The following CDC123 variants were observed in gnomAD, a reference collection of about 807,000 sequenced individuals.
The protein encoded by CDC123 is cell division cycle 123.
Under a neutral mutation model 54.4 loss-of-function variants are expected in CDC123, and 37 were observed. That is an observed-to-expected ratio of 0.68 (90% CI 0.52 to 0.89). The LOEUF is 0.89. CDC123 is among the 40% of genes least tolerant of loss of function. The pLI, the probability that CDC123 is intolerant of heterozygous loss-of-function variation, is 0.00. For synonymous variants in CDC123, 144 were observed against 136.8 expected, an observed-to-expected ratio of 1.05 and a Z score of -0.37; for missense variants, 361 against 412.1, an observed-to-expected ratio of 0.88 and a Z score of 1.07.
At chr10:12,210,071 A>T (rs1180475782) in intron 3 of CDC123, 47 bp downstream of exon 3, 1 of 1,587,308 alleles carries the variant, frequency 6.3e-7, no homozygotes, top group Admixed American at 1.7e-5. Flanking sequence ...TTGTAATTTA[A>T]ATGATCTCTG....
rs139236402 is a variant in CDC123, at chr10:12,248,645, A to G, written c.847-936A>G. 3.6e-3 allele frequency among the ~76,000 whole-genome samples: 541 copies of G among 151,328 alleles called. 3 individuals carry two copies. Among genetic ancestry groups the G allele is most frequent in the East Asian group, 0.033 (171 of 5,156 alleles). On this transcript the variant is annotated intron_variant, in intron 11 of 12. Coordinates refer to ENST00000281141, the MANE Select transcript of CDC123 (RefSeq NM_006023.3). ...ACGTGGAGAAACCCCGTCTCTACTA[A>G]AAGTAAAAAAATTAGCCAGGCATGG... is the stretch of plus-strand genomic sequence containing the variant.
At position 12,246,268 on chromosome 10, in the gene CDC123, T is replaced by C. The variant is rs1179446667; in HGVS notation, c.837T>C (p.Ala279=). The C allele has an allele frequency of 1.2e-6, 2 of 1,614,132 alleles. No individual in the cohort carries two copies. The highest frequency in any genetic ancestry group is 1.7e-6 in the Non-Finnish European group (2 of 1,180,018). The part of the protein sequence containing the change: ...NLNGDFSEVD[A]QEQDSPAFRC... The stretch of plus-strand genomic sequence containing the variant: ...ACGGCGATTTTAGTGAAGTTGACGC[T>C]CAAGAGCAGGTACAACATTTTTAAG... Residue 279 remains alanine (A), a synonymous_variant, in exon 11 of 13, where the codon GCT becomes GCC. Coordinates refer to ENST00000281141, the MANE Select transcript of CDC123 (RefSeq NM_006023.3).
chr10:12,199,327 A>G (rs1312441621), intron 2 of CDC123, among the ~76,000 whole-genome samples: 1 of 152,190 alleles, frequency 6.6e-6, no homozygotes. Context: ...TCATTTTTTA[A>G]TTCGAGTCTG....
chr10:12,226,744 C>T (rs1474048286), intron 6 of CDC123, among the ~76,000 whole-genome samples: 9 of 142,824 alleles, frequency 6.3e-5, no homozygotes, highest in South Asian at 2.3e-4. Context: ...GGATGGCGGC[C>T]GGGAAGAGGT....
chr10:12,203,948 C>T (rs979469184), intron 2 of CDC123, among the ~76,000 whole-genome samples: 1 of 151,994 alleles, frequency 6.6e-6, no homozygotes, highest in African/African-American at 2.4e-5. Flanking sequence ...AAGAAATTAG[C>T]TGGGCGTGTT....
intron 10 of CDC123, among the ~76,000 whole-genome samples, chr10:12,244,423 C>T (rs922560546): frequency 3.3e-5 from 5 of 152,232 alleles, no homozygotes; most frequent in African/African-American, 1.2e-4. Flanking sequence ...GATCGGATGC[C>T]GTGGCCGTCA....
At chr10:12,231,762 G>A (rs112641899) in intron 7 of CDC123, among the ~76,000 whole-genome samples, 8 of 151,934 alleles carry the variant, frequency 5.3e-5, no homozygotes, top group South Asian at 4.2e-4. Flanking sequence ...CAACACACAC[G>A]CACATACCCT....
At chr10:12,231,257 G>A (rs1160865713) in intron 7 of CDC123, among the ~76,000 whole-genome samples, 1 of 152,076 alleles carries the variant, frequency 6.6e-6, no homozygotes, top group Admixed American at 6.5e-5. Flanking sequence ...ACCTTTATAC[G>A]CCTCACAGGT....
At chr10:12,222,844 C>T (rs147192923) in intron 6 of CDC123, among the ~76,000 whole-genome samples, 502 of 152,152 alleles carry the variant, frequency 3.3e-3, no homozygotes, top group African/African-American at 0.012. Flanking sequence ...CCCTCTGCCT[C>T]CCACAGTCCC....
intron 12 of CDC123, 65 bp downstream of exon 12, chr10:12,249,783 T>C: frequency 2.0e-6 from 3 of 1,521,060 alleles, no homozygotes; most frequent in South Asian, 1.3e-5. Context: ...TTGGCTTTTA[T>C]ATAATATTTC....
chr10:12,203,308 G>A (rs1835468065), intron 2 of CDC123, among the ~76,000 whole-genome samples: 1 of 152,232 alleles, frequency 6.6e-6, no homozygotes, highest in East Asian at 1.9e-4. Context: ...CTTGTTTACA[G>A]TTAGAATTTA....
At chr10:12,229,293 T>C (rs1003011740) in intron 6 of CDC123, among the ~76,000 whole-genome samples, 1 of 152,228 alleles carries the variant, frequency 6.6e-6, no homozygotes, top group African/African-American at 2.4e-5. Context: ...CCTTGCGTAG[T>C]TGGAGACTTT....
At chr10:12,202,967 A>C (rs1350741072) in intron 2 of CDC123, among the ~76,000 whole-genome samples, 2 of 152,258 alleles carry the variant, frequency 1.3e-5, no homozygotes, top group Non-Finnish European at 1.5e-5. Context: ...GTGAGCTGAG[A>C]TCGCACCATT....
chr10:12,244,689 C>G (rs1159541695), intron 10 of CDC123: 4 of 140,308 alleles, frequency 2.9e-5, no homozygotes, highest in Non-Finnish European at 6.0e-5. Context: ...TGCTGTCAAG[C>G]TCTATTGTAC....
chr10:12,240,507 T>TA lies in CDC123; in HGVS notation c.717+2023dup, dbSNP rs1397759327. On this transcript the variant is annotated intron_variant, in intron 10 of 12. Transcript: ENST00000281141. ...AACTGTTAACTGTTCATTTAACTCT[T>TA]ACGTCAAAAGACATCACTATATTTT... Among the ~76,000 whole-genome samples the TA allele has an allele frequency of 3.3e-5, 5 of 152,242 alleles. No homozygotes were observed. The East Asian group carries it at 5.8e-4, about 18-fold the overall frequency.
Position 12,198,701 on chromosome 10 carries a change from T to C in CDC123, c.75-4T>C. ...TGATGCCTTTTTTGGTGTTTTTTTT[T>C]TAGTGTCATTCTTCCACTTCCTCAG... On this transcript the variant is annotated splice_polypyrimidine_tract_variant and splice_region_variant and intron_variant, in intron 1 of 12. Coordinates refer to ENST00000281141, the MANE Select transcript of CDC123 (RefSeq NM_006023.3). 6.4e-7 allele frequency: 1 copy of C among 1,553,720 alleles called. No individual in the cohort carries two copies. Among genetic ancestry groups the C allele is most frequent in the Non-Finnish European group, 8.8e-7 (1 of 1,134,420 alleles).
chr10:12,238,011 G>A (rs1326812937), intron 9 of CDC123, among the ~76,000 whole-genome samples: 2 of 152,110 alleles, frequency 1.3e-5, no homozygotes, highest in Admixed American at 1.3e-4. Flanking sequence ...CCAAGACTGG[G>A]CTCTGTGGCA....
At chr10:12,221,132 G>A (rs990352168) in intron 6 of CDC123, among the ~76,000 whole-genome samples, 6 of 151,122 alleles carry the variant, frequency 4.0e-5, no homozygotes, top group Admixed American at 6.6e-5. Context: ...TTTGAGGCTT[G>A]ACTTGACAAA....
rs374407076 is a variant in CDC123, at chr10:12,217,495, A to G, written c.440+28A>G. The G allele has an allele frequency of 3.2e-5, 52 of 1,605,470 alleles. 1 individual carries two copies. Among genetic ancestry groups the G allele is most frequent in the Middle Eastern group, 1.6e-4 (1 of 6,062 alleles). On this transcript the variant is annotated intron_variant, in intron 6 of 12. Coordinates refer to ENST00000281141, the MANE Select transcript of CDC123 (RefSeq NM_006023.3). ...AAGTATCTCTTATTCTCTCATGTCA[A>G]TAGTTTCAGTATTTGTGCAAATTTC...
Sources: allele counts gnomAD v4.1 joint callset (sites outside exome capture counted in the v4.1 genomes callset), GRCh38; gene constraint gnomAD v4.1.1; transcripts MANE v1.5; gene names NCBI Gene and HGNC (gene_info 2026-07-23, HGNC 2026-07-21).